Variants in ATE1 observed in about 807,000 individuals in gnomAD.
ATE1 encodes the protein arginyltransferase 1.
ATE1 carries 36 observed loss-of-function variants against 70.5 expected under a neutral mutation model. The observed-to-expected ratio is 0.51, with a 90% confidence interval of 0.39 to 0.67. The LOEUF (loss-of-function observed/expected upper bound fraction) is 0.67. ATE1 is among the 30% of genes least tolerant of loss of function. ATE1 has a pLI of 0.00. For missense variants in ATE1, 593 were observed against 629.5 expected (o/e 0.94, Z 0.62); for synonymous variants, 232 against 219.3 (o/e 1.06, Z -0.51).
At chr10:121,749,974 C>T (rs533115478) in intron 11 of ATE1, among the ~76,000 whole-genome samples, 1 of 152,186 alleles carries the variant, frequency 6.6e-6, no homozygotes, top group Non-Finnish European at 1.5e-5. Flanking sequence ...GCTTAATGTT[C>T]TGTGGTCTTA....
chr10:121,912,707 T>TA (rs1412149479), intron 4 of ATE1, among the ~76,000 whole-genome samples: 3 of 151,624 alleles, frequency 2.0e-5, no homozygotes, highest in Admixed American at 2.0e-4. Flanking sequence ...CTTCAATGCT[T>TA]ATCTCCATGT....
At chr10:121,758,144 T>A (rs1342079015) in intron 11 of ATE1, among the ~76,000 whole-genome samples, 1 of 152,220 alleles carries the variant, frequency 6.6e-6, no homozygotes, top group East Asian at 1.9e-4. Flanking sequence ...GCTAATAATT[T>A]TTTTAAAATT....
chr10:121,743,595 C>G lies in ATE1; in HGVS notation c.*85G>C. 7.1e-7 allele frequency: 1 copy of G among 1,418,056 alleles called. No homozygotes were observed. The highest frequency in any genetic ancestry group is 9.2e-7 in the Non-Finnish European group (1 of 1,088,122). The allele number at this position is 1,418,056 out of a possible 1,614,324, so 87.8% of individuals were successfully genotyped here. A position where few individuals can be genotyped will look rare whatever the true frequency, so the allele number is the denominator to read the frequency against. Reference sequence around the variant, plus strand: ...AAAATGTCTAATTTGTGGGTGGTGACAGTTATTTCCCCACAGGTACTGAAT... The same window carrying G: ...AAAATGTCTAATTTGTGGGTGGTGAGAGTTATTTCCCCACAGGTACTGAAT... On this transcript the variant is annotated 3_prime_UTR_variant, in exon 12 of 12. Transcript: ENST00000224652.
chr10:121,871,019 G>A (rs1052107378), intron 7 of ATE1, among the ~76,000 whole-genome samples: 5 of 152,118 alleles, frequency 3.3e-5, no homozygotes, highest in Non-Finnish European at 7.4e-5. Flanking sequence ...AACAAAGCTA[G>A]TACTCGCAGG....
chr10:121,871,575 A>C (rs1742647522), intron 7 of ATE1, among the ~76,000 whole-genome samples: 2 of 152,234 alleles, frequency 1.3e-5, no homozygotes, highest in Non-Finnish European at 2.9e-5. Context: ...GAGGTTTTCC[A>C]TAACAAAGTT....
chr10:121,744,182 A>G (rs1427983131), intron 11 of ATE1, among the ~76,000 whole-genome samples: 1 of 151,992 alleles, frequency 6.6e-6, no homozygotes, highest in Non-Finnish European at 1.5e-5. Flanking sequence ...TCAGCCTCCC[A>G]AAGTTCTGGG....
chr10:121,838,863 TAA>T (rs997402331), intron 9 of ATE1, among the ~76,000 whole-genome samples: 1 of 151,842 alleles, frequency 6.6e-6, no homozygotes, highest in Non-Finnish European at 1.5e-5. Flanking sequence ...ATTAAAAAAA[TAA>T]AAAAATAAAA....
At chr10:121,788,297 A>G (rs1436075377) in intron 11 of ATE1, among the ~76,000 whole-genome samples, 1 of 152,250 alleles carries the variant, frequency 6.6e-6, no homozygotes, top group Non-Finnish European at 1.5e-5. Context: ...TGAAACGATC[A>G]GACGCTGGCT....
intron 11 of ATE1, chr10:121,782,389 T>C (rs1378778081): frequency 6.6e-6 from 1 of 152,268 alleles, no homozygotes; most frequent in African/African-American, 2.4e-5. Context: ...GATGAACAGC[T>C]TGATGATATC....
chr10:121,841,119 A>G lies in ATE1; in HGVS notation c.1120T>C (p.Tyr374His). ...SSVYLYYDPD[Y>H]SFLSLGVYSA... ...TAGACGCCCAAAGACAAAAACGAAT[A>G]ATCAGGATCGTAGTACAAATACACA... is the stretch of plus-strand genomic sequence containing the variant. Residue 374 changes from tyrosine to histidine, a missense_variant, in exon 9 of 12, where the codon TAT (tyrosine) becomes CAT (histidine). By Grantham distance (83) the Tyr-to-His change is moderately conservative (BLOSUM62 2). Coordinates refer to ENST00000224652, the MANE Select transcript of ATE1 (RefSeq NM_001001976.3). 6.3e-7 allele frequency: 1 copy of G among 1,579,608 alleles called. No individual in the cohort carries two copies. Among genetic ancestry groups the G allele is most frequent in the South Asian group, 1.2e-5 (1 of 85,066 alleles).
intron 10 of ATE1, among the ~76,000 whole-genome samples, chr10:121,812,084 T>C (rs1424617695): frequency 6.6e-6 from 1 of 151,530 alleles, no homozygotes; most frequent in Non-Finnish European, 1.5e-5. Flanking sequence ...GCCTCCCATG[T>C]AGCTGGGACT....
In ATE1 at chr10:121,840,525, C is replaced by T. The variant is rs950117301; in HGVS notation, c.1157+557G>A. 3.3e-5 allele frequency among the ~76,000 whole-genome samples: 5 copies of T among 151,910 alleles called. No homozygotes were observed. The East Asian group carries it at 9.7e-4, about 29-fold the overall frequency. ...GATGACAAGAATATAAGTCATATAA[C>T]GTTTAAGGAATATAAGTAGTTCTGA... On this transcript the variant is annotated intron_variant, in intron 9 of 11. Transcript: ENST00000224652.
At chr10:121,822,525 T>C (rs1947839635) in intron 10 of ATE1, among the ~76,000 whole-genome samples, 1 of 152,178 alleles carries the variant, frequency 6.6e-6, no homozygotes, top group Non-Finnish European at 1.5e-5. Context: ...TTTCTGTATT[T>C]ATATCACACC....
At chr10:121,789,295 G>GTTTT (rs1946336151) in intron 11 of ATE1, among the ~76,000 whole-genome samples, 7 of 18,802 alleles carry the variant, frequency 3.7e-4, no homozygotes, top group Admixed American at 7.8e-4. Context: ...CCAGGGCTAT[G>GTTTT]CTTTTTTTTT....
chr10:121,927,950 G>A lies in ATE1; in HGVS notation c.-1C>T, dbSNP rs775690384. The A allele has an allele frequency of 1.3e-6, 2 of 1,550,240 alleles. No homozygotes were observed. On this transcript the variant is annotated 5_prime_UTR_variant, in exon 1 of 12. Transcript: ENST00000224652. ...GCGAACCCCCCGCCCAGAAAGCCAT[G>A]GCCTCGGCCCCGCGAACGCTCAGCC...
At chr10:121,827,235 A>G (rs547900197) in intron 10 of ATE1, among the ~76,000 whole-genome samples, 1 of 152,106 alleles carries the variant, frequency 6.6e-6, no homozygotes, top group Admixed American at 6.5e-5. Flanking sequence ...GATGGTCTCA[A>G]TCTCTTGACC....
chr10:121,841,301 A>G (rs748662865), intron 8 of ATE1, 38 bp from the exon 9 acceptor site: 16 of 1,273,730 alleles, frequency 1.3e-5, no homozygotes, highest in Non-Finnish European at 3.1e-6. Context: ...CATTTTTTTA[A>G]TATTAAAATA....
chr10:121,788,299 A>G (rs2133252113), intron 11 of ATE1, among the ~76,000 whole-genome samples: 2 of 152,368 alleles, frequency 1.3e-5, no homozygotes, highest in South Asian at 4.1e-4. Flanking sequence ...AAACGATCAG[A>G]CGCTGGCTAA....
chr10:121,845,356 A>G (rs1227034263), intron 8 of ATE1, among the ~76,000 whole-genome samples: 1 of 152,170 alleles, frequency 6.6e-6, no homozygotes, highest in Non-Finnish European at 1.5e-5. Context: ...ATCAGTAAAA[A>G]CCCACAGAAC....
Sources: gnomAD v4.1 joint callset for allele counts (sites outside exome capture counted in the v4.1 genomes callset) on GRCh38, gnomAD v4.1.1 for gene constraint, MANE v1.5 for transcripts, NCBI Gene and HGNC (gene_info 2026-07-23, HGNC 2026-07-21) for gene names.